VAV3: variants seen among roughly 807,000 people sequenced by gnomAD.
VAV3 encodes the protein vav guanine nucleotide exchange factor 3, also known as guanine nucleotide exchange factor VAV3.
VAV3 carries 94 observed loss-of-function variants against 131.2 expected under a neutral mutation model. The ratio of observed to expected loss-of-function variants is 0.72; its 90% confidence interval spans 0.61 to 0.85. The LOEUF (loss-of-function observed/expected upper bound fraction) is 0.85, where lower values mean the gene tolerates loss of function less well. Among genes scored for constraint, VAV3 ranks in the 40% least tolerant of loss-of-function variants. The pLI, the probability that VAV3 is intolerant of heterozygous loss-of-function variation, is 0.00. For missense variants in VAV3, 939 were observed against 1,002.7 expected (o/e 0.94, Z 0.86); for synonymous variants, 349 against 342.0 (o/e 1.02, Z -0.22).
At chr1:107,695,300 A>ATTCT (rs1470021193) in intron 17 of VAV3, among the ~76,000 whole-genome samples, 1 of 152,324 alleles carries the variant, frequency 6.6e-6, no homozygotes, top group African/African-American at 2.4e-5. Context: ...AGATAATTTT[A>ATTCT]TAAATTATGT....
At chr1:107,612,371 T>C (rs932044651) in intron 21 of VAV3, among the ~76,000 whole-genome samples, 1 of 152,210 alleles carries the variant, frequency 6.6e-6, no homozygotes, top group Non-Finnish European at 1.5e-5. Flanking sequence ...ACTTTTAACA[T>C]ATTCTTATTG....
intron 25 of VAV3, among the ~76,000 whole-genome samples, chr1:107,583,700 G>T (rs980863889): frequency 2.7e-5 from 4 of 150,718 alleles, no homozygotes; most frequent in Non-Finnish European, 6.0e-5. Flanking sequence ...ACTTACAAGG[G>T]ATGTGAAGGA....
At chr1:107,939,403 G>T (rs1029962963) in intron 1 of VAV3, among the ~76,000 whole-genome samples, 4 of 152,140 alleles carry the variant, frequency 2.6e-5, no homozygotes, top group African/African-American at 7.2e-5. Context: ...TTAGAATTTT[G>T]ATCTATCCCC....
chr1:107,949,655 G>A (rs1352879347), intron 1 of VAV3, among the ~76,000 whole-genome samples: 2 of 152,128 alleles, frequency 1.3e-5, no homozygotes, highest in Admixed American at 6.5e-5. Flanking sequence ...CTCATTCTGA[G>A]CTCCAGAGCT....
intron 2 of VAV3, among the ~76,000 whole-genome samples, chr1:107,847,991 G>A (rs1200970557): frequency 1.3e-5 from 2 of 152,142 alleles, no homozygotes; most frequent in Non-Finnish European, 2.9e-5. Flanking sequence ...TATCTCTGAT[G>A]AACATCAATG....
chr1:107,608,277 TA>T (rs1652450974), intron 22 of VAV3, among the ~76,000 whole-genome samples: 1 of 152,212 alleles, frequency 6.6e-6, no homozygotes, highest in Non-Finnish European at 1.5e-5. Flanking sequence ...GTTTATTTCA[TA>T]AAATCCATGC....
chr1:107,869,512 T>G (rs1429881410), intron 2 of VAV3, among the ~76,000 whole-genome samples: 2 of 152,128 alleles, frequency 1.3e-5, no homozygotes, highest in African/African-American at 4.8e-5. Context: ...CATTTAATAC[T>G]CACCTAAACT....
At chr1:107,649,020 C>T (rs58229730) in intron 19 of VAV3, among the ~76,000 whole-genome samples, 2,981 of 151,704 alleles carry the variant, frequency 0.02, 110 homozygotes, top group African/African-American at 0.069. Context: ...TAATAACTCC[C>T]AGTAATATAT....
At chr1:107,655,442 C>T (rs1386660078) in intron 19 of VAV3, among the ~76,000 whole-genome samples, 2 of 152,016 alleles carry the variant, frequency 1.3e-5, no homozygotes, top group Admixed American at 6.6e-5. Flanking sequence ...AATCTAGACC[C>T]CTATATCTCA....
chr1:107,577,761 C>G (rs988091318), intron 25 of VAV3, among the ~76,000 whole-genome samples: 1 of 152,184 alleles, frequency 6.6e-6, no homozygotes, highest in Non-Finnish European at 1.5e-5. Flanking sequence ...TTTCCTGGAA[C>G]AGAGATGACC....
intron 1 of VAV3, among the ~76,000 whole-genome samples, chr1:107,902,616 C>A (rs988530583): frequency 6.6e-6 from 1 of 151,900 alleles, no homozygotes; most frequent in Non-Finnish European, 1.5e-5. Flanking sequence ...TGTTCTTTTA[C>A]GTATTTTAGA....
At chr1:107,824,639 T>C (rs1431866380) in intron 2 of VAV3, among the ~76,000 whole-genome samples, 2 of 152,166 alleles carry the variant, frequency 1.3e-5, no homozygotes, top group African/African-American at 2.4e-5. Flanking sequence ...GGACATTTTA[T>C]GTATGCAGCA....
chr1:107,952,487 C>CATATATATATATATAT (rs1173992663), intron 1 of VAV3, among the ~76,000 whole-genome samples: 1 of 133,478 alleles, frequency 7.5e-6, no homozygotes, highest in African/African-American at 3.1e-5. Flanking sequence ...TATATATATA[C>CATATATATATATATAT]ACACATAAAT....
At chr1:107,684,229 C>T (rs368737145) in intron 18 of VAV3, among the ~76,000 whole-genome samples, 7 of 152,208 alleles carry the variant, frequency 4.6e-5, no homozygotes, top group African/African-American at 1.7e-4. Flanking sequence ...TATTTTATTT[C>T]TAAAGCATTA....
chr1:107,875,712 T>C (rs1478768251), intron 1 of VAV3, among the ~76,000 whole-genome samples: 4 of 152,174 alleles, frequency 2.6e-5, no homozygotes, highest in African/African-American at 9.7e-5. Flanking sequence ...CATAATCTGA[T>C]GGTTTAAAAA....
intron 13 of VAV3, among the ~76,000 whole-genome samples, chr1:107,750,568 G>T (rs1663652363): frequency 6.6e-6 from 1 of 152,126 alleles, no homozygotes; most frequent in African/African-American, 2.4e-5. Context: ...AGCTGATGCT[G>T]CCCCCTACTG....
At chr1:107,745,807 T>G (rs1448840344) in intron 15 of VAV3, among the ~76,000 whole-genome samples, 1 of 152,194 alleles carries the variant, frequency 6.6e-6, no homozygotes, top group Non-Finnish European at 1.5e-5. Flanking sequence ...ATTTCAACAC[T>G]CTTAAAAATA....
chr1:107,602,412 T>C lies in VAV3; in HGVS notation c.2205A>G (p.Lys735=). 1 of 1,569,938 alleles carries C rather than the reference T, an allele frequency of 6.4e-7. No individual in the cohort carries two copies. ...DGFFHIAENR[K]FKSLMELVEY... is the part of the protein sequence containing the mutation. Reference sequence around the variant, plus strand: ...CAATGCTTACCATTAAACTTTTAAATTTTCTATTTTCTGCAATGTGAAAAA... The same window carrying C: ...CAATGCTTACCATTAAACTTTTAAACTTTCTATTTTCTGCAATGTGAAAAA... Residue 735 remains lysine, a synonymous_variant, in exon 24 of 27, where the codon AAA becomes AAG. Transcript: ENST00000370056.
At chr1:107,950,104 AC>A (rs757348687) in intron 1 of VAV3, among the ~76,000 whole-genome samples, 4 of 140,372 alleles carry the variant, frequency 2.8e-5, no homozygotes, top group Non-Finnish European at 1.6e-5. Context: ...CTCCAAGCAC[AC>A]CCCTGGATTC....
Sources: gnomAD v4.1 joint callset for allele counts (sites outside exome capture counted in the v4.1 genomes callset) on GRCh38, gnomAD v4.1.1 for gene constraint, MANE v1.5 for transcripts, NCBI Gene and HGNC (gene_info 2026-07-23, HGNC 2026-07-21) for gene names.